Variants in SLC38A9 observed in about 807,000 individuals in gnomAD.
SLC38A9 encodes the protein neutral amino acid transporter 9.
In SLC38A9, 48 loss-of-function variants were observed where a neutral mutation model predicts 62.3. That is an observed-to-expected ratio of 0.77 (90% CI 0.61 to 0.98). The LOEUF is 0.98. SLC38A9 is among the 50% of genes least tolerant of loss of function. The pLI is 0.00. For synonymous variants in SLC38A9, 204 were observed against 227.7 expected (o/e 0.90, Z 0.94); for missense variants, 541 against 679.8 (o/e 0.80, Z 2.27).
intron 12 of SLC38A9, among the ~76,000 whole-genome samples, chr5:55,636,421 C>A (rs1744413077): frequency 6.6e-6 from 1 of 152,220 alleles, no homozygotes. Context: ...AGAACAGATT[C>A]CCCAGCTCAA....
At chr5:55,641,835 A>C (rs562562009) in intron 12 of SLC38A9, among the ~76,000 whole-genome samples, 1 of 152,364 alleles carries the variant, frequency 6.6e-6, no homozygotes, top group African/African-American at 2.4e-5. Flanking sequence ...TTATTTATGT[A>C]GTGCTTTGTG....
At chr5:55,640,529 G>A (rs961900877) in intron 12 of SLC38A9, among the ~76,000 whole-genome samples, 2 of 152,108 alleles carry the variant, frequency 1.3e-5, no homozygotes, top group Non-Finnish European at 2.9e-5. Context: ...CATTAAGAAC[G>A]CCCATCTCAG....
chr5:55,669,620 A>T lies in SLC38A9; in HGVS notation c.369T>A (p.Ile123=). The part of the protein sequence containing the change: ...GYGKNTSLVT[I]FMIWNTMMGT... ...CCATCATGGTATTCCAAATCATAAA[A>T]CTGAAAACACAGAGTAATAGCAGTA... Residue 123 remains isoleucine (I), a splice_region_variant and synonymous_variant, in exon 6 of 16, where the codon ATT becomes ATA. Transcript: ENST00000396865. The T allele has an allele frequency of 6.2e-7, 1 of 1,607,520 alleles. No homozygotes were observed. Among genetic ancestry groups the T allele is most frequent in the Non-Finnish European group, 8.5e-7 (1 of 1,175,378 alleles).
At chr5:55,695,926 G>A (rs1755478036) in intron 3 of SLC38A9, 1 of 86,378 alleles carries the variant, frequency 1.2e-5, no homozygotes, top group Admixed American at 1.1e-4. Flanking sequence ...CCCGGACGGG[G>A]CGGCTGGCCG....
chr5:55,643,323 C>T (rs1033356356), intron 12 of SLC38A9, among the ~76,000 whole-genome samples: 3 of 152,130 alleles, frequency 2.0e-5, no homozygotes, highest in African/African-American at 7.2e-5. Context: ...GTTCAATTTC[C>T]ACAATTTGTG....
intron 12 of SLC38A9, among the ~76,000 whole-genome samples, chr5:55,643,266 T>G (rs4242057): frequency 0.59 from 90,323 of 151,948 alleles, 27,517 homozygotes; most frequent in South Asian, 0.7. Context: ...AGTTCTAATT[T>G]TTCTTGTGAT....
At chr5:55,702,469 G>A (rs1469396956) in intron 2 of SLC38A9, among the ~76,000 whole-genome samples, 1 of 151,738 alleles carries the variant, frequency 6.6e-6, no homozygotes, top group East Asian at 1.9e-4. Context: ...ATGTTGCCCA[G>A]GCTGGTCTTG....
At chr5:55,657,097 G>A (rs1051152193) in intron 8 of SLC38A9, among the ~76,000 whole-genome samples, 1 of 152,158 alleles carries the variant, frequency 6.6e-6, no homozygotes, top group East Asian at 1.9e-4. Flanking sequence ...TCCTGACTTC[G>A]TGATCCACCC....
chr5:55,703,522 T>C (rs1756921166), intron 2 of SLC38A9, among the ~76,000 whole-genome samples: 1 of 152,188 alleles, frequency 6.6e-6, no homozygotes, highest in African/African-American at 2.4e-5. Flanking sequence ...TCAGTGATAA[T>C]TGTTACAAAA....
At chr5:55,640,008 T>C (rs1745178665) in intron 12 of SLC38A9, among the ~76,000 whole-genome samples, 1 of 120,026 alleles carries the variant, frequency 8.3e-6, no homozygotes, top group Non-Finnish European at 1.7e-5. Flanking sequence ...TTTTTTGAGA[T>C]GGAGTCTCGC....
At chr5:55,629,878 T>TGTATCA (rs1414658020) in intron 14 of SLC38A9, among the ~76,000 whole-genome samples, 2 of 152,194 alleles carry the variant, frequency 1.3e-5, no homozygotes, top group African/African-American at 4.8e-5. Flanking sequence ...GTGATAGTAT[T>TGTATCA]AATGAAAGTG....
chr5:55,660,417 A>G (rs1370653479), intron 8 of SLC38A9, among the ~76,000 whole-genome samples: 1 of 152,166 alleles, frequency 6.6e-6, no homozygotes, highest in African/African-American at 2.4e-5. Flanking sequence ...CTCTGTCTCA[A>G]AAAAACATTC....
chr5:55,659,387 TTTATTTTA>T (rs1256658241), intron 8 of SLC38A9, among the ~76,000 whole-genome samples: 3 of 146,086 alleles, frequency 2.1e-5, no homozygotes, highest in African/African-American at 7.6e-5. Flanking sequence ...GGTTTTTTTT[TTTATTTTA>T]TTTTGATTTG....
intron 3 of SLC38A9, chr5:55,692,654 A>C: frequency 1.0e-6 from 1 of 985,352 alleles, no homozygotes; most frequent in Non-Finnish European, 1.2e-6. Context: ...TTCATTATAG[A>C]AAATATATTG....
At chr5:55,669,502 A>T in intron 6 of SLC38A9, 55 bp downstream of exon 6, 2 of 1,476,088 alleles carry the variant, frequency 1.4e-6, no homozygotes, top group Non-Finnish European at 1.9e-6. Context: ...TATAAAACTT[A>T]CAATATAAAG....
intron 8 of SLC38A9, among the ~76,000 whole-genome samples, chr5:55,657,819 T>C (rs1490079617): frequency 1.4e-4 from 22 of 152,186 alleles, no homozygotes. Flanking sequence ...AGTTAAATAG[T>C]TAAATTATTC....
At position 55,649,228 on chromosome 5, in the gene SLC38A9, G is replaced by A. The variant is rs759594755; in HGVS notation, c.1039C>T (p.Pro347Ser). 2 of 1,604,710 alleles carry A rather than the reference G, an allele frequency of 1.2e-6. No individual in the cohort carries two copies. Among genetic ancestry groups the A allele is most frequent in the Admixed American group, 1.7e-5 (1 of 58,794 alleles). The change falls in exon 11 of 16, where the codon CCA becomes TCA. Residue 347 changes from proline (P) to serine (S), a missense_variant. Transcript: ENST00000396865. ...GFHLEFHWFI[P>S]TEFFVPEIRF... The stretch of plus-strand genomic sequence containing the variant: ...TCACCTGGTACAAAAAATTCTGTTG[G>A]TATAAACCAATGAAATTCCAAATGA...
intron 2 of SLC38A9, among the ~76,000 whole-genome samples, chr5:55,700,283 G>A (rs1756469704): frequency 1.3e-5 from 2 of 151,094 alleles, no homozygotes; most frequent in Admixed American, 1.3e-4. Context: ...AGAGGTTGCA[G>A]TGAGCCAAGA....
intron 2 of SLC38A9, among the ~76,000 whole-genome samples, chr5:55,705,685 C>T (rs1449387346): frequency 6.7e-6 from 1 of 149,182 alleles, no homozygotes. Context: ...AAAATAATAG[C>T]TATAATGGCA....
Sources: allele counts gnomAD v4.1 joint callset (sites outside exome capture counted in the v4.1 genomes callset), GRCh38; gene constraint gnomAD v4.1.1; transcripts MANE v1.5; gene names NCBI Gene and HGNC (gene_info 2026-07-23, HGNC 2026-07-21).